SERF2: variants seen among roughly 807,000 people sequenced by gnomAD.
SERF2 encodes the protein small EDRK-rich factor 2.
Under a neutral mutation model 10.7 loss-of-function variants are expected in SERF2, and 4 were observed. That is an observed-to-expected ratio of 0.37 (90% CI 0.18 to 0.86). SERF2 has a LOEUF of 0.86. Among genes scored for constraint, SERF2 ranks in the 40% least tolerant of loss-of-function variants. The pLI, the probability that SERF2 is intolerant of heterozygous loss-of-function variation, is 0.43. For synonymous variants in SERF2, 26 were observed against 26.0 expected, an observed-to-expected ratio of 1.00 and a Z score of 0.01; for missense variants, 47 against 79.1, an observed-to-expected ratio of 0.59 and a Z score of 1.54.
chr15:43,777,222 AGAGTCCCCAGTC>A, exon 1 of SERF2: 1 of 540,948 alleles, frequency 1.8e-6, no homozygotes, highest in South Asian at 1.5e-5. Flanking sequence ...CCTCTCACTC[AGAGTCCCCAGTC>A]CTGCCTTAGT....
upstream of SERF2, among the ~76,000 whole-genome samples, chr15:43,790,356 A>G (rs2087044684): frequency 6.6e-6 from 1 of 152,130 alleles, no homozygotes; most frequent in South Asian, 2.1e-4. Context: ...ATAAATACAT[A>G]TATGGATATT....
upstream of SERF2, among the ~76,000 whole-genome samples, chr15:43,787,880 T>G (rs1411312511): frequency 1.3e-5 from 2 of 149,534 alleles, no homozygotes; most frequent in Admixed American, 6.7e-5. Flanking sequence ...TTAGTTTTTT[T>G]TTTTTTTTTT....
At chr15:43,781,191 C>T (rs946208931) in intron 1 of SERF2, among the ~76,000 whole-genome samples, 2 of 152,092 alleles carry the variant, frequency 1.3e-5, no homozygotes, top group Non-Finnish European at 2.9e-5. Context: ...GGATTGCCAT[C>T]CTGGGTGGGA....
chr15:43,790,970 G>A (rs1223208739), upstream of SERF2, among the ~76,000 whole-genome samples: 2 of 147,442 alleles, frequency 1.4e-5, no homozygotes, highest in African/African-American at 2.5e-5. Context: ...GGGTTTTACC[G>A]TGTTAGCCAG....
upstream of SERF2, among the ~76,000 whole-genome samples, chr15:43,790,224 G>A (rs950982383): frequency 4.0e-5 from 6 of 151,436 alleles, no homozygotes; most frequent in African/African-American, 1.2e-4. Context: ...AAGGAGAATC[G>A]CTTGAATACA....
Position 43,779,774 on chromosome 15 carries a change from T to C in SERF2, c.-527+2272T>C, listed in dbSNP as rs552059767. 4.6e-5 allele frequency among the ~76,000 whole-genome samples: 7 copies of C among 152,254 alleles called. No homozygotes were observed. The East Asian group carries it at 9.7e-4, about 21-fold the overall frequency. ...CCCAAAGTGCTGAGATTTACAGGCA[T>C]GAGTCTCCATGCTCAGCCAAAATTA... On this transcript the variant is annotated intron_variant, in intron 1 of 4. Coordinates refer to the SERF2 transcript ENST00000381359.
chr15:43,792,726 C>G (rs1368091842), intron 1 of SERF2: 3 of 911,916 alleles, frequency 3.3e-6, no homozygotes, highest in African/African-American at 3.3e-5. Context: ...GTTTGGGCCC[C>G]ACGCCGCCCC....
chr15:43,781,140 G>A (rs2086960777), intron 1 of SERF2, among the ~76,000 whole-genome samples: 1 of 152,246 alleles, frequency 6.6e-6, no homozygotes, highest in Middle Eastern at 3.4e-3. Flanking sequence ...GTGATTAGTG[G>A]GTGGGTGTTG....
chr15:43,784,905 A>G (rs536479452), intron 1 of SERF2, among the ~76,000 whole-genome samples: 170 of 151,254 alleles, frequency 1.1e-3, no homozygotes, highest in African/African-American at 4.0e-3. Context: ...GGCGCGCACC[A>G]TCACGCTTGG....
upstream of SERF2, among the ~76,000 whole-genome samples, chr15:43,791,641 C>T (rs530611708): frequency 1.3e-5 from 2 of 152,346 alleles, no homozygotes; most frequent in African/African-American, 2.4e-5. Context: ...AGCCACTGAT[C>T]CAACTCCATA....
At chr15:43,788,568 A>G (rs894147086), upstream of SERF2, among the ~76,000 whole-genome samples, 3 of 152,174 alleles carry the variant, frequency 2.0e-5, no homozygotes, top group African/African-American at 7.2e-5. Flanking sequence ...TGCACCCTCC[A>G]TGAGGTAACA....
intron 1 of SERF2, 77 bp from the exon 2 acceptor site, chr15:43,792,898 G>A (rs1033277687): frequency 7.5e-6 from 8 of 1,068,030 alleles, no homozygotes; most frequent in Non-Finnish European, 1.1e-5. Flanking sequence ...CCTGCTGCTG[G>A]CCGCGCTGGG....
intron 1 of SERF2, among the ~76,000 whole-genome samples, chr15:43,780,662 C>G (rs28891769): frequency 0.16 from 24,580 of 152,058 alleles, 2,617 homozygotes; most frequent in African/African-American, 0.29. Flanking sequence ...AGTAGTCTAC[C>G]CTTATCTTCA....
At chr15:43,778,349 C>G (rs557035549) in intron 1 of SERF2, among the ~76,000 whole-genome samples, 1 of 151,868 alleles carries the variant, frequency 6.6e-6, no homozygotes, top group South Asian at 2.1e-4. Context: ...GCGGCAATAT[C>G]CTAATCTGAT....
In SERF2 at chr15:43,795,734, C is replaced by T. The variant is rs1339293392; in HGVS notation, c.*1961C>T. The T allele has an allele frequency of 8.1e-6, 13 of 1,613,712 alleles. No individual in the cohort carries two copies. The highest frequency in any genetic ancestry group is 4.0e-5 in the African/African-American group (3 of 74,902). ...CAGGGCAGCAGAAACACAGTGAGGG[C>T]TTCTGCAAAACAGAACGCAGGTTTT... On this transcript the variant is annotated 3_prime_UTR_variant, in exon 3 of 3. Transcript: ENST00000249786.
chr15:43,782,606 T>A (rs1178537633), intron 1 of SERF2, among the ~76,000 whole-genome samples: 4 of 152,164 alleles, frequency 2.6e-5, no homozygotes, highest in Non-Finnish European at 5.9e-5. Context: ...AAATGATTGT[T>A]CTCTAGGTCG....
In SERF2 at chr15:43,793,857, T is replaced by C. The variant is rs543848193; in HGVS notation, c.*84T>C. On this transcript the variant is annotated 3_prime_UTR_variant, in exon 3 of 3. Coordinates refer to ENST00000249786, the MANE Select transcript of SERF2 (RefSeq NM_001018108.4). ...ACCACGCTCGCGTTTCCTCCTGTAG[T>C]GCTCACAGGTCCCAGCACCGATGGC... 1.9e-6 allele frequency: 3 copies of C among 1,613,256 alleles called. No homozygotes were observed. In the African/African-American group the frequency reaches 4.0e-5, roughly 21 times the overall value.
upstream of SERF2, chr15:43,792,262 G>A (rs767029212): frequency 1.4e-4 from 135 of 937,526 alleles, no homozygotes; most frequent in Non-Finnish European, 2.1e-4. Flanking sequence ...TCCCGGGCGC[G>A]AAGGGGCGGG....
At chr15:43,780,202 C>T (rs535478257) in intron 1 of SERF2, among the ~76,000 whole-genome samples, 7 of 152,166 alleles carry the variant, frequency 4.6e-5, no homozygotes, top group Non-Finnish European at 7.4e-5. Flanking sequence ...TGCAATGGTG[C>T]GATCTTGGCT....
Sources: gnomAD v4.1 joint callset for allele counts (sites outside exome capture counted in the v4.1 genomes callset) on GRCh38, gnomAD v4.1.1 for gene constraint, MANE v1.5 for transcripts, NCBI Gene and HGNC (gene_info 2026-07-23, HGNC 2026-07-21) for gene names.